Variants in ARHGAP21 observed in about 807,000 individuals in gnomAD.
ARHGAP21 encodes Rho GTPase activating protein 21.
Under a neutral mutation model 164.6 loss-of-function variants are expected in ARHGAP21, and 38 were observed. The observed-to-expected ratio is 0.23, with a 90% confidence interval of 0.18 to 0.30. ARHGAP21 has a LOEUF of 0.30. Among genes scored for constraint, ARHGAP21 ranks in the 10% least tolerant of loss-of-function variants. The pLI is 1.00. For missense variants in ARHGAP21, 1,822 were observed against 2,370.7 expected, an observed-to-expected ratio of 0.77 and a Z score of 4.81; for synonymous variants, 766 against 857.9, an observed-to-expected ratio of 0.89 and a Z score of 1.87.
intron 21 of ARHGAP21, 108 bp downstream of exon 21, chr10:24,594,842 G>T: frequency 1.2e-6 from 1 of 833,600 alleles, no homozygotes; most frequent in Non-Finnish European, 1.8e-6. Flanking sequence ...TACCCAGTTT[G>T]ATGTTGAATT....
At chr10:24,592,147 T>A in intron 21 of ARHGAP21, 135 bp from the exon 22 acceptor site, 1 of 785,358 alleles carries the variant, frequency 1.3e-6, no homozygotes, top group Non-Finnish European at 1.8e-6. Flanking sequence ...AATAATGCTT[T>A]CTAGCAAGAT....
intron 2 of ARHGAP21, among the ~76,000 whole-genome samples, chr10:24,682,135 G>T (rs956739968): frequency 7.3e-5 from 11 of 151,724 alleles, no homozygotes; most frequent in African/African-American, 2.7e-4. Context: ...AAACATAGGG[G>T]TCACTGATAC....
At chr10:24,597,709 A>G (rs1045531835) in intron 15 of ARHGAP21, 126 bp from the exon 16 acceptor site, 1 of 1,409,380 alleles carries the variant, frequency 7.1e-7, no homozygotes, top group Non-Finnish European at 9.6e-7. Flanking sequence ...ACAATTCATA[A>G]GCTTTCAATT....
At chr10:24,665,751 T>C (rs576920796) in intron 4 of ARHGAP21, among the ~76,000 whole-genome samples, 1 of 152,326 alleles carries the variant, frequency 6.6e-6, no homozygotes, top group African/African-American at 2.4e-5. Flanking sequence ...AATGTGGTAT[T>C]CTTGCTAAAC....
In ARHGAP21 at chr10:24,619,983, A is replaced by G; in HGVS notation, c.1912T>C (p.Phe638Leu). The change falls in exon 9 of 26, where the codon TTT (phenylalanine) becomes CTT (leucine). Residue 638 changes from phenylalanine (F) to leucine (L), a missense_variant. This residue lies in a region of ARHGAP21 where 1,090 missense variants were observed against 1,378.9 expected (regional missense o/e 0.79). Transcript: ENST00000396432. ...APSTHVTKPSFSQKSFVSIKD... is the reference protein window; with the variant it reads ...APSTHVTKPSLSQKSFVSIKD... ...ATAGAAACAAATGATTTCTGGCTAA[A>G]TGATGGTTTTGTGACATGCGTGGAA... 1 of 1,614,026 alleles carries G rather than the reference A, an allele frequency of 6.2e-7. No individual in the cohort carries two copies. Among genetic ancestry groups the G allele is most frequent in the Non-Finnish European group, 8.5e-7 (1 of 1,179,902 alleles).
rs768520922 is a variant in ARHGAP21, at chr10:24,604,338, G to A, written c.2695C>T (p.His899Tyr). The change falls in exon 12 of 26, where the codon CAC becomes TAC. Residue 899 changes from histidine to tyrosine, a missense_variant. By Grantham distance (83) the His-to-Tyr change is moderately conservative (BLOSUM62 2). Transcript: ENST00000396432. Reference protein sequence around the residue: ...YREDAKLSFKHVSSLKGIKIA... With the variant: ...YREDAKLSFKYVSSLKGIKIA... ...TTGATTCCCTTCAGACTAGATACGT[G>A]CTTAAAGGACCTGTTGGGGAAAAAA... The A allele has an allele frequency of 3.1e-6, 5 of 1,591,284 alleles. No homozygotes were observed. Among genetic ancestry groups the A allele is most frequent in the African/African-American group, 2.7e-5 (2 of 74,206 alleles).
chr10:24,607,924 CAG>C, intron 9 of ARHGAP21, 21 bp from the exon 10 acceptor site: 1 of 1,577,276 alleles, frequency 6.3e-7, no homozygotes, highest in Non-Finnish European at 8.6e-7. Context: ...AAAGGAAAAT[CAG>C]AATGTTCAAT....
chr10:24,644,023 C>T (rs1339852299), intron 4 of ARHGAP21, among the ~76,000 whole-genome samples: 3 of 152,056 alleles, frequency 2.0e-5, no homozygotes, highest in Non-Finnish European at 4.4e-5. Context: ...CATCATAAAC[C>T]TCTTTAACTT....
Position 24,655,201 on chromosome 10 carries a change from T to C in ARHGAP21, c.268+11784A>G, listed in dbSNP as rs191761299. Among the ~76,000 whole-genome samples, 533 of 152,324 alleles carry C rather than the reference T, an allele frequency of 3.5e-3. 2 individuals are homozygous for C. The highest frequency in any genetic ancestry group is 0.012 in the African/African-American group (492 of 41,576). The stretch of plus-strand genomic sequence containing the variant: ...AACCTAGGCAATACCATTCAGGACA[T>C]AGGCATGGGCAAGGACTTCGTGTCT... On this transcript the variant is annotated intron_variant, in intron 4 of 25. Coordinates refer to ENST00000396432, the MANE Select transcript of ARHGAP21 (RefSeq NM_020824.4).
chr10:24,603,875 A>C (rs568063146), intron 12 of ARHGAP21, among the ~76,000 whole-genome samples: 16 of 152,166 alleles, frequency 1.1e-4, no homozygotes, highest in Non-Finnish European at 2.4e-4. Flanking sequence ...GGCGCCTGTA[A>C]TCTCAAGCTA....
intron 12 of ARHGAP21, 83 bp from the exon 13 acceptor site, chr10:24,602,186 C>G: frequency 6.8e-7 from 1 of 1,474,590 alleles, no homozygotes; most frequent in Non-Finnish European, 9.1e-7. Context: ...TTGTGGAAAA[C>G]TTTATTTAAT....
intron 2 of ARHGAP21, among the ~76,000 whole-genome samples, chr10:24,685,219 G>A (rs997376573): frequency 1.3e-5 from 2 of 151,972 alleles, no homozygotes; most frequent in Non-Finnish European, 2.9e-5. Flanking sequence ...CTTCCTAAAG[G>A]CAGAAAGAGC....
intron 2 of ARHGAP21, among the ~76,000 whole-genome samples, chr10:24,707,027 G>A (rs1176493834): frequency 6.6e-6 from 1 of 152,122 alleles, no homozygotes; most frequent in Non-Finnish European, 1.5e-5. Context: ...GATCCCAAGG[G>A]TACCAAAGGG....
intron 2 of ARHGAP21, among the ~76,000 whole-genome samples, chr10:24,697,417 T>C (rs1198198977): frequency 1.3e-5 from 2 of 152,082 alleles, no homozygotes; most frequent in Non-Finnish European, 2.9e-5. Context: ...CCTCTCCCAC[T>C]TTCCTATCCC....
At chr10:24,648,376 T>A (rs1002688891) in intron 4 of ARHGAP21, among the ~76,000 whole-genome samples, 9 of 152,232 alleles carry the variant, frequency 5.9e-5, no homozygotes, top group African/African-American at 2.2e-4. Context: ...ATCTACTTCA[T>A]CTTATACAAA....
intron 2 of ARHGAP21, among the ~76,000 whole-genome samples, chr10:24,703,141 G>A (rs1843871625): frequency 6.6e-6 from 1 of 151,586 alleles, no homozygotes; most frequent in South Asian, 2.1e-4. Flanking sequence ...CACACTGGGT[G>A]AAAAAAAATG....
At position 24,609,655 on chromosome 10, in the gene ARHGAP21, T is replaced by C. The variant is rs1253572374; in HGVS notation, c.2423-1752A>G. Among the ~76,000 whole-genome samples the C allele has an allele frequency of 3.9e-5, 6 of 152,300 alleles. No individual in the cohort carries two copies. The East Asian group carries it at 7.7e-4, about 20-fold the overall frequency. On this transcript the variant is annotated intron_variant, in intron 9 of 25. Coordinates refer to ENST00000396432, the MANE Select transcript of ARHGAP21 (RefSeq NM_020824.4). The stretch of plus-strand genomic sequence containing the variant: ...GATTCCCTTTGAAAATATAAAGACT[T>C]TTCTACCGGTTTAAAAATACTGTGT...
intron 2 of ARHGAP21, among the ~76,000 whole-genome samples, chr10:24,709,252 C>T (rs1844542255): frequency 6.6e-6 from 1 of 152,036 alleles, no homozygotes; most frequent in African/African-American, 2.4e-5. Flanking sequence ...AGTAGCAAGG[C>T]TCAATCAGTA....
intron 9 of ARHGAP21, among the ~76,000 whole-genome samples, chr10:24,615,556 T>C (rs1445036002): frequency 9.9e-5 from 15 of 152,206 alleles, no homozygotes; most frequent in East Asian, 7.7e-4. Context: ...TTTTTGCTCA[T>C]TTTGAGGCAC....
Sources: gnomAD v4.1 joint callset for allele counts (sites outside exome capture counted in the v4.1 genomes callset) on GRCh38, gnomAD v4.1.1 for gene constraint, gnomAD v4.1.1 regional missense constraint, MANE v1.5 for transcripts, NCBI Gene and HGNC (gene_info 2026-07-23, HGNC 2026-07-21) for gene names.